The following NBAS variants were observed in gnomAD, a reference collection of about 807,000 sequenced individuals.
NBAS encodes the protein NBAS subunit of NRZ tethering complex.
Under a neutral mutation model 302.5 loss-of-function variants are expected in NBAS, and 219 were observed. That is an observed-to-expected ratio of 0.72 (90% CI 0.65 to 0.81). The LOEUF (loss-of-function observed/expected upper bound fraction) is 0.81, where lower values mean the gene tolerates loss of function less well. Among genes scored for constraint, NBAS ranks in the 30% least tolerant of loss-of-function variants. The probability of loss-of-function intolerance (pLI) is 0.00; values close to 1 mark genes in which losing one functional copy is unlikely to be tolerated. For missense variants in NBAS, 2,932 were observed against 2,841.6 expected (o/e 1.03, Z -0.72); for synonymous variants, 1,118 against 1,021.6 (o/e 1.09, Z -1.80).
intron 40 of NBAS, among the ~76,000 whole-genome samples, chr2:15,296,580 AAAG>A (rs1286196858): frequency 1.3e-5 from 2 of 152,152 alleles, no homozygotes; most frequent in African/African-American, 4.8e-5. Context: ...CCAGGTGTAG[AAAG>A]AAGGATGTTC....
chr2:15,134,061 TC>T, the NBAS span, among the ~76,000 whole-genome samples: 1 of 41,552 alleles, frequency 2.4e-5, no homozygotes, highest in Admixed American at 2.6e-4. Flanking sequence ...TTTCTTTCTC[TC>T]TCTCTCTCTC....
At chr2:15,147,774 C>T in the NBAS span, among the ~76,000 whole-genome samples, 1 of 152,108 alleles carries the variant, frequency 6.6e-6, no homozygotes, top group Non-Finnish European at 1.5e-5. Context: ...CTGCAAAATG[C>T]GTTGCTGGGA....
chr2:15,177,374 A>G (rs1035765713), intron 51 of NBAS, among the ~76,000 whole-genome samples: 3 of 152,144 alleles, frequency 2.0e-5, no homozygotes, highest in South Asian at 2.1e-4. Context: ...TGTGGGGGAA[A>G]TGCTGCTGTG....
At position 15,395,414 on chromosome 2, in the gene NBAS, C is replaced by G. The variant is rs192884279; in HGVS notation, c.3134+999G>C. 1.1e-4 allele frequency among the ~76,000 whole-genome samples: 16 copies of G among 152,084 alleles called. No homozygotes were observed. The East Asian group carries it at 3.1e-3, about 29-fold the overall frequency. ...AGTGGGGATGGCAGGCACAAGCCAA[C>G]CTATAATAGGAAAAGCTGATTTTGT... is the stretch of plus-strand genomic sequence containing the variant. On this transcript the variant is annotated intron_variant, in intron 27 of 51. Coordinates refer to ENST00000281513, the MANE Select transcript of NBAS (RefSeq NM_015909.4).
At chr2:15,318,054 A>C (rs961527362) in intron 38 of NBAS, among the ~76,000 whole-genome samples, 1 of 152,226 alleles carries the variant, frequency 6.6e-6, no homozygotes, top group African/African-American at 2.4e-5. Context: ...GATCTCTTGG[A>C]AGAAACCCTA....
intron 35 of NBAS, among the ~76,000 whole-genome samples, chr2:15,348,936 C>T (rs992764253): frequency 7.9e-5 from 12 of 152,138 alleles, no homozygotes; most frequent in African/African-American, 2.9e-4. Context: ...GAGAACGGGG[C>T]AATTAAAGGA....
chr2:15,369,392 G>C lies in NBAS; in HGVS notation c.3704-2699C>G, dbSNP rs895879058. On this transcript the variant is annotated intron_variant, in intron 31 of 51. Transcript: ENST00000281513. ...TCCATTTAATGGAACACTCAAGTTT[G>C]ATTATTTGTCTCCTGTTGCCCTAAG... Among the ~76,000 whole-genome samples the C allele has an allele frequency of 9.2e-5, 14 of 152,260 alleles. No homozygotes were observed. The East Asian group carries it at 2.7e-3, about 29-fold the overall frequency.
At chr2:15,536,280 C>A in intron 8 of NBAS, 138 bp downstream of exon 8, 1 of 964,434 alleles carries the variant, frequency 1.0e-6, no homozygotes, top group Non-Finnish European at 1.5e-6. Flanking sequence ...TTCACCACAC[C>A]ACTCTTTCAA....
intron 11 of NBAS, among the ~76,000 whole-genome samples, chr2:15,499,352 A>G (rs1681194669): frequency 6.6e-6 from 1 of 152,270 alleles, no homozygotes; most frequent in Non-Finnish European, 1.5e-5. Flanking sequence ...AAGACATGGA[A>G]TAAACCTAAA....
the NBAS span, among the ~76,000 whole-genome samples, chr2:14,833,665 T>A: frequency 1.3e-5 from 2 of 151,876 alleles, no homozygotes; most frequent in Non-Finnish European, 2.9e-5. Context: ...GAATCATTTA[T>A]GTGCGTATTA....
the NBAS span, among the ~76,000 whole-genome samples, chr2:14,798,932 T>C: frequency 6.6e-6 from 1 of 152,072 alleles, no homozygotes; most frequent in African/African-American, 2.4e-5. Context: ...ATTCCTGATA[T>C]TAGTAATTTG....
the NBAS span, among the ~76,000 whole-genome samples, chr2:14,810,507 C>T: frequency 6.6e-6 from 1 of 152,140 alleles, no homozygotes; most frequent in Non-Finnish European, 1.5e-5. Context: ...GTGAGGCTTC[C>T]CCAGCCATGT....
chr2:15,240,101 C>G (rs891529207), intron 44 of NBAS, among the ~76,000 whole-genome samples: 1 of 152,018 alleles, frequency 6.6e-6, no homozygotes, highest in Non-Finnish European at 1.5e-5. Context: ...CTCAAAAGGA[C>G]GTGTTGATTT....
chr2:15,555,930 C>T (rs1437504995), intron 3 of NBAS, among the ~76,000 whole-genome samples: 4 of 152,136 alleles, frequency 2.6e-5, no homozygotes, highest in African/African-American at 9.7e-5. Flanking sequence ...AACAAGCTGT[C>T]GCCTAGAGAA....
the NBAS span, among the ~76,000 whole-genome samples, chr2:14,974,050 A>G: frequency 6.6e-6 from 1 of 152,186 alleles, no homozygotes; most frequent in Non-Finnish European, 1.5e-5. Flanking sequence ...AGAAAAGGAC[A>G]ATCTCCTCAC....
chr2:15,403,864 CGTGTGTGTGTGTGTGTGTGT>C (rs10624311), intron 25 of NBAS, among the ~76,000 whole-genome samples: 3 of 135,412 alleles, frequency 2.2e-5, no homozygotes, highest in African/African-American at 8.4e-5. Flanking sequence ...TTCCTTCCTT[CGTGTGTGTGTGTGTGTGTGT>C]GTGTGTGTGT....
At chr2:15,331,271 G>A (rs889818528) in intron 35 of NBAS, among the ~76,000 whole-genome samples, 7 of 152,184 alleles carry the variant, frequency 4.6e-5, no homozygotes, top group Non-Finnish European at 1.0e-4. Context: ...AATAGTGTTT[G>A]ATGGGTTTAT....
At chr2:14,829,204 A>T in the NBAS span, among the ~76,000 whole-genome samples, 78 of 152,190 alleles carry the variant, frequency 5.1e-4, 1 homozygote, top group African/African-American at 1.8e-3. Context: ...TCAGAAAGGG[A>T]GATTACACTG....
Position 15,277,091 on chromosome 2 carries a change from G to A in NBAS, c.5149C>T (p.Leu1717=). The A allele has an allele frequency of 6.2e-7, 1 of 1,613,658 alleles. No individual in the cohort carries two copies. Among genetic ancestry groups the A allele is most frequent in the Non-Finnish European group, 8.5e-7 (1 of 1,179,822 alleles). The stretch of plus-strand genomic sequence containing the variant: ...TCTTGGGCTCTATTTTCAATTTCTA[G>A]TGTGGACAAACTGAAATTAAGAGCC... ...FLFTDSGLST[L]EIENRAQDLH... The change falls in exon 43 of 52, where the codon CTA becomes TTA. Residue 1717 remains leucine (L), a synonymous_variant. Transcript: ENST00000281513.
Sources: allele counts gnomAD v4.1 joint callset (sites outside exome capture counted in the v4.1 genomes callset), GRCh38; gene constraint gnomAD v4.1.1; transcripts MANE v1.5; gene names NCBI Gene and HGNC (gene_info 2026-07-23, HGNC 2026-07-21).